The following TUBGCP5 variants were observed in gnomAD, a reference collection of about 807,000 sequenced individuals.
TUBGCP5 encodes gamma-tubulin complex component 5.
A neutral mutation model predicts 134.7 loss-of-function variants in TUBGCP5; 98 were observed. That is an observed-to-expected ratio of 0.73 (90% CI 0.62 to 0.86). The LOEUF is 0.86. TUBGCP5 is among the 40% of genes least tolerant of loss of function. TUBGCP5 has a pLI of 0.00. For missense variants in TUBGCP5, 1,150 were observed against 1,244.8 expected (o/e 0.92, Z 1.15); for synonymous variants, 456 against 431.4 (o/e 1.06, Z -0.71).
intron 1 of TUBGCP5, 128 bp downstream of exon 1, chr15:23,039,270 G>T (rs2066778032): frequency 2.8e-6 from 3 of 1,089,278 alleles, no homozygotes; most frequent in Non-Finnish European, 3.5e-6. Flanking sequence ...GCCTGCGAAG[G>T]CTCCCTGAGG....
rs567655588 is a variant in TUBGCP5 at position 23,007,675 on chromosome 15, G to A, written c.2327+1024C>T. Among the ~76,000 whole-genome samples, 24 of 152,270 alleles carry A rather than the reference G, an allele frequency of 1.6e-4. No homozygotes were observed. In the Middle Eastern group the frequency reaches 0.01, roughly 65 times the overall value. ...AGAAATATTCTGAAATCCCTGAAAC[G>A]CGAAGGAAGACAGGAAAGAGAACAT... On this transcript the variant is annotated intron_variant, in intron 16 of 22. Coordinates refer to ENST00000615383, the MANE Select transcript of TUBGCP5 (RefSeq NM_052903.6).
chr15:23,020,997 TC>T (rs1289727923), intron 11 of TUBGCP5, among the ~76,000 whole-genome samples: 1 of 152,180 alleles, frequency 6.6e-6, no homozygotes, highest in East Asian at 1.9e-4. Flanking sequence ...CAAGCAATTC[TC>T]CTGCCTCAGC....
intron 23 of TUBGCP5, among the ~76,000 whole-genome samples, chr15:22,988,213 C>A (rs942106116): frequency 6.6e-6 from 1 of 151,794 alleles, no homozygotes; most frequent in Non-Finnish European, 1.5e-5. Flanking sequence ...TCTGAAGGGG[C>A]CCTAAATCCA....
chr15:23,038,817 AC>A (rs1595921772), intron 1 of TUBGCP5, among the ~76,000 whole-genome samples: 1 of 152,020 alleles, frequency 6.6e-6, no homozygotes, highest in Admixed American at 6.6e-5. Flanking sequence ...TACAAGAGAA[AC>A]TGCATTAGAA....
intron 13 of TUBGCP5, among the ~76,000 whole-genome samples, chr15:23,012,099 G>C (rs955458239): frequency 1.9e-4 from 27 of 144,984 alleles, no homozygotes; most frequent in Non-Finnish European, 3.6e-4. Context: ...TTGGGCAATA[G>C]GAGTGAAACC....
intron 3 of TUBGCP5, among the ~76,000 whole-genome samples, chr15:23,036,382 A>G (rs1164932921): frequency 6.6e-6 from 1 of 152,152 alleles, no homozygotes; most frequent in East Asian, 1.9e-4. Context: ...CTTCTCCTAG[A>G]CTTTGCTCTA....
intron 13 of TUBGCP5, among the ~76,000 whole-genome samples, chr15:23,014,627 C>G (rs1309768041): frequency 6.6e-6 from 1 of 152,194 alleles, no homozygotes; most frequent in African/African-American, 2.4e-5. Context: ...GGCCAACAAG[C>G]CATGTGACCA....
chr15:23,009,029 C>G, intron 15 of TUBGCP5, 148 bp from the exon 16 acceptor site: 1 of 573,166 alleles, frequency 1.7e-6, no homozygotes, highest in Non-Finnish European at 2.9e-6. Context: ...ACCTCTTAAA[C>G]TTGTTCCAAT....
chr15:23,016,748 C>T (rs1306976826), intron 13 of TUBGCP5, among the ~76,000 whole-genome samples: 1 of 151,662 alleles, frequency 6.6e-6, no homozygotes, highest in Admixed American at 6.6e-5. Context: ...TAAACTAGTA[C>T]AGACACCATG....
chr15:23,017,683 A>G (rs1385708665), intron 13 of TUBGCP5, 90 bp downstream of exon 13: 2 of 1,322,606 alleles, frequency 1.5e-6, no homozygotes, highest in Non-Finnish European at 2.0e-6. Context: ...TGACTTGCAA[A>G]CTACAAAATA....
In TUBGCP5 at chr15:23,003,123, C is replaced by T; in HGVS notation, c.2869G>A (p.Val957Met). Residue 957 changes from valine (V) to methionine (M), a missense_variant, in exon 21 of 23, where the codon GTG becomes ATG. Physicochemically the swap from Val to Met is conservative, Grantham distance 21 (BLOSUM62 1). This residue lies in a region of TUBGCP5 where 697 missense variants were observed against 850.1 expected (regional missense o/e 0.82). Transcript: ENST00000615383. ...GCAAACATGAGAGCCAAGTTCAACA[C>T]CTTCATGATAGCTTCTTTCACAAAG... ...VSFVKEAIMK[V>M]LNLALMFADG... 1.2e-6 allele frequency: 2 copies of T among 1,614,176 alleles called. No homozygotes were observed. Among genetic ancestry groups the T allele is most frequent in the Non-Finnish European group, 1.7e-6 (2 of 1,180,032 alleles).
At chr15:23,011,463 T>C (rs1288408873) in intron 13 of TUBGCP5, 132 bp from the exon 14 acceptor site, 1 of 258,476 alleles carries the variant, frequency 3.9e-6, no homozygotes, top group Non-Finnish European at 7.1e-6. Context: ...AAATATTAAA[T>C]ATATGTAAAT....
chr15:23,010,979 TCAAA>T (rs1449714116), intron 14 of TUBGCP5, among the ~76,000 whole-genome samples, 150 bp downstream of exon 14: 3 of 146,484 alleles, frequency 2.0e-5, no homozygotes, highest in Non-Finnish European at 4.5e-5. Flanking sequence ...AGGCTCCATC[TCAAA>T]CAAACAAAAA....
At position 23,009,930 on chromosome 15, in the gene TUBGCP5, A is replaced by G. The variant is rs1321132053; in HGVS notation, c.2144+15T>C. The G allele has an allele frequency of 1.2e-6, 2 of 1,603,290 alleles. No individual in the cohort carries two copies. Among genetic ancestry groups the G allele is most frequent in the South Asian group, 2.2e-5 (2 of 90,182 alleles). ...TCAACTATTTACTACTTCCAAAATTAAATTACTCTTTTACCTGTAATCTTT... is the reference window on the plus strand; with the variant it reads ...TCAACTATTTACTACTTCCAAAATTGAATTACTCTTTTACCTGTAATCTTT... On this transcript the variant is annotated intron_variant, in intron 15 of 22. Transcript: ENST00000615383.
At chr15:23,026,408 G>A (rs1023559924) in intron 7 of TUBGCP5, among the ~76,000 whole-genome samples, 13 of 152,088 alleles carry the variant, frequency 8.5e-5, no homozygotes, top group African/African-American at 3.1e-4. Context: ...CAATTGTTAC[G>A]TTTATTGCTG....
chr15:22,993,828 A>G (rs1447431845), intron 23 of TUBGCP5, among the ~76,000 whole-genome samples: 3 of 151,616 alleles, frequency 2.0e-5, no homozygotes, highest in Non-Finnish European at 4.4e-5. Flanking sequence ...TACAGGCGTG[A>G]GCCACCGTGC....
At chr15:22,986,250 G>T (rs1176714817) in intron 23 of TUBGCP5, among the ~76,000 whole-genome samples, 1 of 152,016 alleles carries the variant, frequency 6.6e-6, no homozygotes, top group African/African-American at 2.4e-5. Flanking sequence ...GTAAAATGGT[G>T]CCACTATGGA....
downstream of TUBGCP5, chr15:22,996,896 G>A (rs1229808771): frequency 6.6e-6 from 1 of 152,134 alleles, no homozygotes; most frequent in Admixed American, 6.6e-5. Context: ...GCTCCCCGGA[G>A]GTTGAGGCTT....
At chr15:22,986,557 C>T (rs11636070) in intron 23 of TUBGCP5, among the ~76,000 whole-genome samples, 30,396 of 151,064 alleles carry the variant, frequency 0.2, 3,160 homozygotes, top group African/African-American at 0.23. Flanking sequence ...ACCAACATGG[C>T]GAAACCCCAT....
Sources: allele counts gnomAD v4.1 joint callset (sites outside exome capture counted in the v4.1 genomes callset), GRCh38; gene constraint gnomAD v4.1.1; regional missense constraint gnomAD v4.1.1; transcripts MANE v1.5; gene names NCBI Gene and HGNC (gene_info 2026-07-23, HGNC 2026-07-21).